MACROD2: variants seen among roughly 807,000 people sequenced by gnomAD.
MACROD2 encodes the protein ADP-ribose glycohydrolase MACROD2.
MACROD2 carries 36 observed loss-of-function variants against 70.4 expected under a neutral mutation model. That is an observed-to-expected ratio of 0.51 (90% CI 0.39 to 0.68). MACROD2 has a LOEUF of 0.68. Ranked by LOEUF, MACROD2 falls within the 30% of genes least tolerant of loss-of-function variation. The pLI is 0.00. For missense variants in MACROD2, 496 were observed against 538.4 expected, an observed-to-expected ratio of 0.92 and a Z score of 0.78; for synonymous variants, 172 against 178.8, an observed-to-expected ratio of 0.96 and a Z score of 0.30.
Position 15,027,708 on chromosome 20 carries a change from A to T in MACROD2, c.419-202232A>T, listed in dbSNP as rs1032586316. ...TGGGCAAGAGTAGGACTCTCTAATT[A>T]AAAAAAAAAAAAAAAATGAAAAAAA... On this transcript the variant is annotated intron_variant, in intron 5 of 17. Transcript: ENST00000684519. Among the ~76,000 whole-genome samples, 90 of 79,936 alleles carry T rather than the reference A, an allele frequency of 1.1e-3. 1 individual carries two copies. The highest frequency in any genetic ancestry group is 2.1e-4 in the Non-Finnish European group (9 of 43,560). The allele number at this position is 79,936 out of a possible 152,430, so 52.4% of individuals were successfully genotyped here. A position where few individuals can be genotyped will look rare whatever the true frequency, so the allele number is the denominator to read the frequency against.
At chr20:15,762,218 A>AT (rs34080420) in intron 8 of MACROD2, among the ~76,000 whole-genome samples, 13 of 152,118 alleles carry the variant, frequency 8.5e-5, no homozygotes, top group Non-Finnish European at 1.8e-4. Context: ...CTGTTCATAC[A>AT]TTTTTTCAGT....
At chr20:14,475,567 G>C (rs945200985) in intron 3 of MACROD2, among the ~76,000 whole-genome samples, 3 of 151,410 alleles carry the variant, frequency 2.0e-5, no homozygotes, top group East Asian at 1.9e-4. Context: ...ACTCCCTTTA[G>C]CATTTTTTTT....
chr20:15,288,648 C>G (rs779080191), intron 6 of MACROD2, among the ~76,000 whole-genome samples: 47 of 152,136 alleles, frequency 3.1e-4, no homozygotes, highest in Non-Finnish European at 1.5e-4. Flanking sequence ...CCTGTCCTTG[C>G]ACATTGGAAC....
At chr20:15,620,464 T>G (rs962270726) in intron 8 of MACROD2, among the ~76,000 whole-genome samples, 1 of 152,180 alleles carries the variant, frequency 6.6e-6, no homozygotes, top group Non-Finnish European at 1.5e-5. Context: ...CCTTGCCTCC[T>G]GGTCTGCAGA....
intron 13 of MACROD2, 69 bp downstream of exon 13, chr20:15,967,699 A>AC: frequency 7.7e-7 from 1 of 1,291,130 alleles, no homozygotes; most frequent in Non-Finnish European, 1.1e-6. Context: ...AAAAAAAAAA[A>AC]AACCCACAGA....
At chr20:14,864,419 G>C (rs546294996) in intron 5 of MACROD2, among the ~76,000 whole-genome samples, 1 of 152,178 alleles carries the variant, frequency 6.6e-6, no homozygotes, top group African/African-American at 2.4e-5. Flanking sequence ...TTATAAATCA[G>C]TAAATTTTTT....
chr20:14,704,264 T>A (rs2123644940), intron 5 of MACROD2, among the ~76,000 whole-genome samples: 1 of 152,262 alleles, frequency 6.6e-6, no homozygotes, highest in African/African-American at 2.4e-5. Context: ...TGCTGCCCTG[T>A]TGTCCCTGAA....
At chr20:15,885,224 G>T (rs904309788) in intron 9 of MACROD2, among the ~76,000 whole-genome samples, 2 of 152,136 alleles carry the variant, frequency 1.3e-5, no homozygotes, top group Non-Finnish European at 2.9e-5. Context: ...GATGATGGGA[G>T]CTAAATGGGA....
At chr20:15,719,273 G>A (rs1431834349) in intron 8 of MACROD2, among the ~76,000 whole-genome samples, 1 of 152,176 alleles carries the variant, frequency 6.6e-6, no homozygotes, top group Non-Finnish European at 1.5e-5. Flanking sequence ...AAGCTTTGAG[G>A]CAGAGACTCC....
chr20:15,043,551 C>T (rs1288577937), intron 5 of MACROD2, among the ~76,000 whole-genome samples: 1 of 152,194 alleles, frequency 6.6e-6, no homozygotes, highest in African/African-American at 2.4e-5. Context: ...GTCTTGGGCC[C>T]CTGTACTCCT....
At chr20:15,143,363 AT>A (rs1189750426) in intron 5 of MACROD2, among the ~76,000 whole-genome samples, 21 of 151,722 alleles carry the variant, frequency 1.4e-4, no homozygotes, top group African/African-American at 4.3e-4. Context: ...GGGTTGTTTG[AT>A]TTTTTTCTTG....
At chr20:15,166,664 C>G (rs1401708176) in intron 5 of MACROD2, among the ~76,000 whole-genome samples, 1 of 151,238 alleles carries the variant, frequency 6.6e-6, no homozygotes, top group Non-Finnish European at 1.5e-5. Flanking sequence ...GAATTTCAAA[C>G]AAATTACAGA....
At chr20:14,143,586 T>A (rs944112460) in intron 3 of MACROD2, among the ~76,000 whole-genome samples, 1 of 152,184 alleles carries the variant, frequency 6.6e-6, no homozygotes, top group African/African-American at 2.4e-5. Flanking sequence ...CAAGAAGGTT[T>A]AGTGTGTTTA....
chr20:14,658,121 T>C (rs767804033), intron 4 of MACROD2, among the ~76,000 whole-genome samples: 1 of 152,168 alleles, frequency 6.6e-6, no homozygotes, highest in Non-Finnish European at 1.5e-5. Flanking sequence ...ACTTCTAAGA[T>C]GATGAGGGAA....
chr20:15,769,317 T>G (rs190917269), intron 8 of MACROD2, among the ~76,000 whole-genome samples: 92 of 152,118 alleles, frequency 6.0e-4, no homozygotes, highest in Non-Finnish European at 1.1e-3. Flanking sequence ...CCGGCTAATT[T>G]TGTATTTTTA....
At chr20:15,038,431 A>G (rs1010125494) in intron 5 of MACROD2, among the ~76,000 whole-genome samples, 24 of 152,298 alleles carry the variant, frequency 1.6e-4, no homozygotes, top group African/African-American at 5.5e-4. Flanking sequence ...TTCAGCAAGG[A>G]ATTCTTTCCA....
At chr20:15,080,759 T>A (rs981520776) in intron 5 of MACROD2, among the ~76,000 whole-genome samples, 6 of 152,130 alleles carry the variant, frequency 3.9e-5, no homozygotes, top group African/African-American at 1.4e-4. Context: ...AAAAGAACTA[T>A]GAGTGTCCAA....
At chr20:15,203,523 T>C (rs2076675283) in intron 5 of MACROD2, among the ~76,000 whole-genome samples, 1 of 152,140 alleles carries the variant, frequency 6.6e-6, no homozygotes, top group Non-Finnish European at 1.5e-5. Flanking sequence ...TTGACTGCAT[T>C]GTAAATTGGC....
intron 3 of MACROD2, among the ~76,000 whole-genome samples, chr20:14,310,943 TTG>T (rs1401269567): frequency 6.6e-6 from 1 of 152,204 alleles, no homozygotes; most frequent in Non-Finnish European, 1.5e-5. Context: ...TACAACGCGT[TTG>T]TGTTTAAGCT....
Sources: allele counts gnomAD v4.1 joint callset (sites outside exome capture counted in the v4.1 genomes callset), GRCh38; gene constraint gnomAD v4.1.1; transcripts MANE v1.5; gene names NCBI Gene and HGNC (gene_info 2026-07-23, HGNC 2026-07-21).